The following NCEH1 variants were observed in gnomAD, a reference collection of about 807,000 sequenced individuals.
NCEH1 encodes 2-acetyl MAGE hydrolase.
A neutral mutation model predicts 25.4 loss-of-function variants in NCEH1; 9 were observed. The ratio of observed to expected loss-of-function variants is 0.35; its 90% CI spans 0.21 to 0.62. The LOEUF is 0.62. Ranked by LOEUF, NCEH1 falls within the 20% of genes least tolerant of loss-of-function variation. The pLI is 0.72. For synonymous variants in NCEH1, 200 were observed against 199.8 expected (o/e 1.00, Z -0.01); for missense variants, 412 against 501.1 (o/e 0.82, Z 1.70).
At chr3:172,646,123 AAGG>A (rs1185449355) in intron 2 of NCEH1, among the ~76,000 whole-genome samples, 7 of 152,136 alleles carry the variant, frequency 4.6e-5, no homozygotes, top group African/African-American at 1.7e-4. Context: ...GAGGCTAAGG[AAGG>A]AGATCATTTG....
chr3:172,707,584 T>C (rs192805781), intron 1 of NCEH1, among the ~76,000 whole-genome samples: 2 of 152,114 alleles, frequency 1.3e-5, no homozygotes, highest in East Asian at 3.8e-4. Context: ...GTTTTTTATT[T>C]TTATTATTAT....
intron 2 of NCEH1, 57 bp downstream of exon 2, chr3:172,647,829 G>A (rs9865941): frequency 0.57 from 912,275 of 1,597,232 alleles, 261,856 homozygotes; most frequent in African/African-American, 0.67. Context: ...ACTCAGTTAC[G>A]CATCTCCCCC....
At chr3:172,692,171 C>G (rs1049730965) in intron 1 of NCEH1, among the ~76,000 whole-genome samples, 1 of 151,874 alleles carries the variant, frequency 6.6e-6, no homozygotes, top group Admixed American at 6.6e-5. Context: ...AAAGAATGAC[C>G]GTCTGAAGTA....
intron 1 of NCEH1, among the ~76,000 whole-genome samples, chr3:172,675,411 T>C (rs1711937801): frequency 6.6e-6 from 1 of 151,622 alleles, no homozygotes; most frequent in Non-Finnish European, 1.5e-5. Flanking sequence ...AACCTGCACA[T>C]TGTGCACAAG....
intron 1 of NCEH1, among the ~76,000 whole-genome samples, chr3:172,662,321 C>A (rs748132998): frequency 1.3e-5 from 2 of 152,214 alleles, no homozygotes; most frequent in African/African-American, 4.8e-5. Context: ...ATGAAGCCAA[C>A]TTGATCGTGG....
At chr3:172,661,900 C>T (rs1054665704) in intron 1 of NCEH1, among the ~76,000 whole-genome samples, 4 of 151,844 alleles carry the variant, frequency 2.6e-5, no homozygotes, top group Non-Finnish European at 4.4e-5. Context: ...TCTAAATATA[C>T]AATCATCTGC....
At chr3:172,645,745 C>T in intron 2 of NCEH1, 53 bp from the exon 3 acceptor site, 2 of 1,095,148 alleles carry the variant, frequency 1.8e-6, no homozygotes, top group East Asian at 2.6e-5. Flanking sequence ...TAATACTGTC[C>T]ACTCATAAAT....
rs1577047449 is a variant in NCEH1 at position 172,633,361 on chromosome 3, A to G, written c.*114T>C. On this transcript the variant is annotated 3_prime_UTR_variant, in exon 5 of 5. Transcript: ENST00000475381. ...TCAGTTATGGAATAGAAATTCCATA[A>G]CTCGCAAGTAGAGGGGAATGGGAGG... 2 of 1,007,284 alleles carry G rather than the reference A, an allele frequency of 2.0e-6. No individual in the cohort carries two copies. The highest frequency in any genetic ancestry group is 3.0e-6 in the Non-Finnish European group (2 of 676,638). 62.4% of individuals were successfully genotyped at this position (1,007,284 alleles called of 1,614,324 possible). A position where few individuals can be genotyped will look rare whatever the true frequency, so the allele number is the denominator to read the frequency against.
intron 1 of NCEH1, among the ~76,000 whole-genome samples, chr3:172,650,866 C>T (rs1362617218): frequency 8.0e-6 from 1 of 125,598 alleles, no homozygotes; most frequent in Non-Finnish European, 1.7e-5. Flanking sequence ...GGGTAAAAGA[C>T]AGGAATATGA....
intron 1 of NCEH1, among the ~76,000 whole-genome samples, chr3:172,661,734 A>C (rs903321480): frequency 3.3e-5 from 5 of 152,144 alleles, no homozygotes; most frequent in African/African-American, 9.7e-5. Flanking sequence ...CTTTGAAGCA[A>C]CTGTGAATGG....
chr3:172,652,610 A>C (rs1326219067), intron 1 of NCEH1, among the ~76,000 whole-genome samples: 1 of 152,224 alleles, frequency 6.6e-6, no homozygotes, highest in Admixed American at 6.5e-5. Context: ...GGCTTAAAAT[A>C]TAGATCAAGT....
intron 1 of NCEH1, among the ~76,000 whole-genome samples, chr3:172,706,506 T>C (rs1449417119): frequency 1.3e-5 from 2 of 149,436 alleles, no homozygotes; most frequent in East Asian, 2.0e-4. Context: ...TTTCTTTTTT[T>C]TTTTTTTTTT....
chr3:172,659,879 T>C (rs1364889357), intron 1 of NCEH1, among the ~76,000 whole-genome samples: 1 of 152,174 alleles, frequency 6.6e-6, no homozygotes, highest in Admixed American at 6.5e-5. Context: ...CTCTTGAGCC[T>C]TCCCTGGTAA....
intron 1 of NCEH1, among the ~76,000 whole-genome samples, chr3:172,693,141 G>GT (rs1232824592): frequency 6.6e-6 from 1 of 152,166 alleles, no homozygotes; most frequent in Non-Finnish European, 1.5e-5. Flanking sequence ...GTTTTTCAGA[G>GT]TATGAGAAGC....
At position 172,666,158 on chromosome 3, in the gene NCEH1, G is replaced by A. The variant is rs150622436; in HGVS notation, c.139-18044C>T. Among the ~76,000 whole-genome samples the A allele has an allele frequency of 3.6e-3, 549 of 152,306 alleles. 4 individuals carry two copies. The highest frequency in any genetic ancestry group is 6.8e-3 in the Middle Eastern group (2 of 294). ...GAAAAACGACTTGAAGGGCCAGTCT[G>A]GCAAGCTTTGATATGCAAATGCTGG... On this transcript the variant is annotated intron_variant, in intron 1 of 4. Transcript: ENST00000475381.
intron 3 of NCEH1, among the ~76,000 whole-genome samples, 183 bp downstream of exon 3, chr3:172,645,440 T>C (rs1717074468): frequency 6.6e-6 from 1 of 152,248 alleles, no homozygotes; most frequent in South Asian, 2.1e-4. Context: ...TAAAGCTAGT[T>C]CAATAAATTT....
chr3:172,682,435 G>A (rs544543770), intron 1 of NCEH1, among the ~76,000 whole-genome samples: 3 of 152,086 alleles, frequency 2.0e-5, no homozygotes, highest in African/African-American at 7.2e-5. Flanking sequence ...TCCTGGGTCT[G>A]GGGGGGTAAT....
chr3:172,701,085 C>T (rs187125137), intron 1 of NCEH1, among the ~76,000 whole-genome samples: 5 of 152,308 alleles, frequency 3.3e-5, no homozygotes, highest in African/African-American at 1.2e-4. Flanking sequence ...ACTTCTGCCA[C>T]TATCCATTTG....
At position 172,668,347 on chromosome 3, in the gene NCEH1, CA is replaced by C. The variant is rs1371578463; in HGVS notation, c.139-20234del. 8.1e-4 allele frequency among the ~76,000 whole-genome samples: 71 copies of C among 87,378 alleles called. No individual in the cohort carries two copies. The Middle Eastern group carries it at 0.019, about 24-fold the overall frequency. 57.3% of individuals were successfully genotyped at this position (87,378 alleles called of 152,430 possible). Reference sequence around the variant, plus strand: ...CTCAGGAAACAAATGGAAAAGGAAGCATTTTTTTTTTTTTTTTTTTTTTTTT... The same window carrying C: ...CTCAGGAAACAAATGGAAAAGGAAGCTTTTTTTTTTTTTTTTTTTTTTTTT... On this transcript the variant is annotated intron_variant, in intron 1 of 4. Coordinates refer to ENST00000475381, the MANE Select transcript of NCEH1 (RefSeq NM_020792.6).
Sources: allele counts gnomAD v4.1 joint callset (sites outside exome capture counted in the v4.1 genomes callset), GRCh38; gene constraint gnomAD v4.1.1; transcripts MANE v1.5; gene names NCBI Gene and HGNC (gene_info 2026-07-23, HGNC 2026-07-21).